Variants in FRMD6 observed in about 807,000 individuals in gnomAD.
The protein encoded by FRMD6 is FERM domain containing 6.
Under a neutral mutation model 73.2 loss-of-function variants are expected in FRMD6, and 37 were observed. The ratio of observed to expected loss-of-function variants is 0.51; its 90% CI spans 0.39 to 0.66. The LOEUF is 0.66. Among genes scored for constraint, FRMD6 ranks in the 30% least tolerant of loss-of-function variants. The pLI is 0.00. For synonymous variants in FRMD6, 273 were observed against 282.2 expected (o/e 0.97, Z 0.33); for missense variants, 714 against 780.5 (o/e 0.91, Z 1.02).
chr14:51,458,861 G>A, the FRMD6 span, among the ~76,000 whole-genome samples: 51 of 152,268 alleles, frequency 3.3e-4, no homozygotes, highest in African/African-American at 1.2e-3. Context: ...GGAAATGAAG[G>A]AGGGTACTTA....
chr14:51,652,585 T>C (rs1393212900), intron 1 of FRMD6, among the ~76,000 whole-genome samples: 1 of 152,160 alleles, frequency 6.6e-6, no homozygotes, highest in Non-Finnish European at 1.5e-5. Flanking sequence ...GAGCGCAGGG[T>C]CTGCCCCGCG....
chr14:51,621,762 T>A (rs1369890461), intron 2 of FRMD6, among the ~76,000 whole-genome samples: 1 of 152,022 alleles, frequency 6.6e-6, no homozygotes, highest in East Asian at 1.9e-4. Flanking sequence ...TGTAAGTAGG[T>A]CAATGTGATT....
chr14:51,413,310 G>C, the FRMD6 span, among the ~76,000 whole-genome samples: 1 of 152,024 alleles, frequency 6.6e-6, no homozygotes, highest in Non-Finnish European at 1.5e-5. Flanking sequence ...CCCTCCCCCT[G>C]CTCCCAAACC....
chr14:51,474,163 G>A, the FRMD6 span, among the ~76,000 whole-genome samples: 1 of 152,120 alleles, frequency 6.6e-6, no homozygotes, highest in African/African-American at 2.4e-5. Flanking sequence ...ATCACTTCTA[G>A]GTCTGGATTT....
At chr14:51,665,684 C>T (rs954559474) in intron 1 of FRMD6, among the ~76,000 whole-genome samples, 17 of 152,164 alleles carry the variant, frequency 1.1e-4, no homozygotes, top group African/African-American at 3.1e-4. Flanking sequence ...GGTTTGGCTG[C>T]GTCCCCACCC....
At chr14:51,632,489 G>A (rs1022826087) in intron 2 of FRMD6, among the ~76,000 whole-genome samples, 2 of 152,160 alleles carry the variant, frequency 1.3e-5, no homozygotes, top group African/African-American at 2.4e-5. Flanking sequence ...TACCACTTGA[G>A]CTGCTTGAAA....
intron 2 of FRMD6, among the ~76,000 whole-genome samples, chr14:51,645,258 G>A (rs1485411316): frequency 3.3e-5 from 5 of 151,966 alleles, no homozygotes; most frequent in Non-Finnish European, 7.4e-5. Context: ...TATGTCGGGT[G>A]TTTCAAGGTA....
chr14:51,519,678 A>T (rs1412204061), intron 1 of FRMD6, among the ~76,000 whole-genome samples: 1 of 152,158 alleles, frequency 6.6e-6, no homozygotes, highest in Non-Finnish European at 1.5e-5. Flanking sequence ...GGTGATCCTT[A>T]CACTGTAATG....
chr14:51,679,269 TCTTA>T (rs1349014572), intron 1 of FRMD6, among the ~76,000 whole-genome samples: 2 of 138,868 alleles, frequency 1.4e-5, no homozygotes, highest in East Asian at 2.1e-4. Flanking sequence ...GATTTTTTTT[TCTTA>T]CTAAGATTAT....
chr14:51,398,112 T>C, the FRMD6 span, among the ~76,000 whole-genome samples: 1 of 152,192 alleles, frequency 6.6e-6, no homozygotes, highest in Non-Finnish European at 1.5e-5. Flanking sequence ...ACATATTTAC[T>C]TGGATATACA....
chr14:51,449,617 G>A, the FRMD6 span, among the ~76,000 whole-genome samples: 1 of 152,098 alleles, frequency 6.6e-6, no homozygotes, highest in Non-Finnish European at 1.5e-5. Flanking sequence ...ATCCCAAAGA[G>A]TGTCACCAAA....
At chr14:51,437,027 T>A in the FRMD6 span, 1 of 547,010 alleles carries the variant, frequency 1.8e-6, no homozygotes, top group Non-Finnish European at 3.2e-6. Flanking sequence ...GGGATACATG[T>A]GCACAACGTG....
the FRMD6 span, among the ~76,000 whole-genome samples, chr14:51,408,062 T>C: frequency 2.6e-5 from 4 of 152,222 alleles, no homozygotes; most frequent in Non-Finnish European, 2.9e-5. Context: ...TGTCTTAATC[T>C]ATGGACATTT....
At chr14:51,609,447 G>A (rs1057422638) in intron 2 of FRMD6, among the ~76,000 whole-genome samples, 4 of 152,226 alleles carry the variant, frequency 2.6e-5, no homozygotes, top group African/African-American at 9.6e-5. Context: ...GATTGCTCAG[G>A]AAACGGTTGG....
chr14:51,427,601 G>T, the FRMD6 span, among the ~76,000 whole-genome samples: 1 of 152,190 alleles, frequency 6.6e-6, no homozygotes, highest in African/African-American at 2.4e-5. Flanking sequence ...CATGGGTCAC[G>T]TGTTGGCTAT....
the FRMD6 span, chr14:51,437,010 A>T: frequency 1.5e-6 from 1 of 671,992 alleles, no homozygotes; most frequent in East Asian, 4.0e-5. Flanking sequence ...TATTATACTT[A>T]AGTTCTGGGA....
chr14:51,600,555 G>A (rs1382960151), intron 2 of FRMD6, among the ~76,000 whole-genome samples: 6 of 152,156 alleles, frequency 3.9e-5, no homozygotes, highest in Non-Finnish European at 8.8e-5. Context: ...TATAAAGGAG[G>A]TTAATAATCC....
Position 51,713,783 on chromosome 14 carries a change from C to T in FRMD6, c.849+1232C>T, listed in dbSNP as rs1489882803. ...TGGGGCCTAACCTGTCTCCTCCTAA[C>T]TGGCTCTTTTTTGTTTCAAGCTATT... On this transcript the variant is annotated intron_variant, in intron 9 of 13. Coordinates refer to ENST00000344768, the MANE Select transcript of FRMD6 (RefSeq NM_001267046.2). 3 of 152,210 alleles carry T rather than the reference C, an allele frequency of 2.0e-5. No individual in the cohort carries two copies. In the East Asian group the frequency reaches 5.8e-4, roughly 29 times the overall value. The allele number at this position is 152,210 out of a possible 1,614,324, so 9.4% of individuals were successfully genotyped here.
intron 2 of FRMD6, among the ~76,000 whole-genome samples, chr14:51,620,587 A>G (rs898553835): frequency 6.6e-6 from 1 of 152,120 alleles, no homozygotes; most frequent in Non-Finnish European, 1.5e-5. Context: ...GTGCTTCCAG[A>G]GCTAGAAGCC....
Sources: allele counts gnomAD v4.1 joint callset (sites outside exome capture counted in the v4.1 genomes callset), GRCh38; gene constraint gnomAD v4.1.1; transcripts MANE v1.5; gene names NCBI Gene and HGNC (gene_info 2026-07-23, HGNC 2026-07-21).